Variants in NTRK2 observed in about 807,000 individuals in gnomAD.
The protein encoded by NTRK2 is neurotrophic receptor tyrosine kinase 2.
Under a neutral mutation model 94.5 loss-of-function variants are expected in NTRK2, and 13 were observed. The observed-to-expected ratio is 0.14, with a 90% CI of 0.09 to 0.22. The LOEUF (loss-of-function observed/expected upper bound fraction) is 0.22, where lower values mean the gene tolerates loss of function less well. Among genes scored for constraint, NTRK2 ranks in the 10% least tolerant of loss-of-function variants. NTRK2 has a pLI of 1.00. For synonymous variants in NTRK2, 372 were observed against 407.4 expected (o/e 0.91, Z 1.05); for missense variants, 639 against 1,071.2 (o/e 0.60, Z 5.63).
At chr9:85,006,897 C>G (rs548586672) in intron 17 of NTRK2, among the ~76,000 whole-genome samples, 1 of 152,178 alleles carries the variant, frequency 6.6e-6, no homozygotes, top group South Asian at 2.1e-4. Flanking sequence ...GGTATGTGCC[C>G]GCAGCCCCAC....
At position 84,724,342 on chromosome 9, in the gene NTRK2, A is replaced by G. The variant is rs766162328; in HGVS notation, c.839A>G (p.Asn280Ser). 48 of 1,614,004 alleles carry G rather than the reference A, an allele frequency of 3.0e-5. No individual in the cohort carries two copies. Among genetic ancestry groups the G allele is most frequent in the Non-Finnish European group, 3.7e-5 (44 of 1,180,000 alleles). ...NLVGEDQDSV[N>S]LTVHFAPTIT... ...GTAGGAGAAGATCAAGATTCTGTCA[A>G]CCTCACTGTGCATTGTACGTAATCA... Residue 280 changes from asparagine (N) to serine (S), a missense_variant, in exon 8 of 19, where the codon AAC becomes AGC. Physicochemically the swap from Asn to Ser is conservative, Grantham distance 46. Around this residue, in one of 5 missense-constraint regions of NTRK2, gnomAD observed 343 missense variants for 571.5 expected, o/e 0.60. Coordinates refer to ENST00000277120, the MANE Select transcript of NTRK2 (RefSeq NM_006180.6).
intron 12 of NTRK2, among the ~76,000 whole-genome samples, chr9:84,769,010 C>T (rs968373238): frequency 1.3e-5 from 2 of 152,100 alleles, no homozygotes; most frequent in East Asian, 1.9e-4. Flanking sequence ...GGATTCTTAC[C>T]AATCCAAGGC....
intron 17 of NTRK2, among the ~76,000 whole-genome samples, chr9:85,003,802 A>G (rs941413923): frequency 1.3e-5 from 2 of 151,526 alleles, no homozygotes; most frequent in Admixed American, 1.3e-4. Flanking sequence ...CTAGGTGTCA[A>G]CAGTGAAGAT....
chr9:84,727,148 T>C lies in NTRK2; in HGVS notation c.854-506T>C, dbSNP rs543516537. Reference sequence around the variant, plus strand: ...TCATCAGCAGCAACATTTATTGCATTGATCAGTTTGATCTGTTTTCGAAGT... The same window carrying C: ...TCATCAGCAGCAACATTTATTGCATCGATCAGTTTGATCTGTTTTCGAAGT... On this transcript the variant is annotated intron_variant, in intron 8 of 18. Coordinates refer to ENST00000277120, the MANE Select transcript of NTRK2 (RefSeq NM_006180.6). Among the ~76,000 whole-genome samples, 4 of 152,376 alleles carry C rather than the reference T, an allele frequency of 2.6e-5. No homozygotes were observed. In the East Asian group the frequency reaches 7.7e-4, roughly 29 times the overall value.
chr9:84,953,107 A>G (rs189463662), intron 16 of NTRK2, among the ~76,000 whole-genome samples: 2 of 152,302 alleles, frequency 1.3e-5, no homozygotes, highest in African/African-American at 2.4e-5. Context: ...AAGACAAGTG[A>G]AAACATTGGC....
intron 17 of NTRK2, among the ~76,000 whole-genome samples, chr9:85,016,110 G>A (rs948938688): frequency 6.6e-6 from 1 of 152,164 alleles, no homozygotes; most frequent in Non-Finnish European, 1.5e-5. Flanking sequence ...GAGTGTTGAT[G>A]GATGATTACG....
chr9:84,713,373 G>C (rs2131864171), intron 6 of NTRK2, among the ~76,000 whole-genome samples: 2 of 152,144 alleles, frequency 1.3e-5, no homozygotes, highest in South Asian at 4.1e-4. Flanking sequence ...TTTCTGCATA[G>C]AGATAACCAC....
At chr9:84,827,953 T>A (rs992958458) in intron 12 of NTRK2, among the ~76,000 whole-genome samples, 3 of 152,206 alleles carry the variant, frequency 2.0e-5, no homozygotes, top group African/African-American at 7.2e-5. Flanking sequence ...AGAATTGGAA[T>A]CTAGTCCAAA....
chr9:84,727,085 A>T (rs1320127426), intron 8 of NTRK2, among the ~76,000 whole-genome samples: 2 of 152,224 alleles, frequency 1.3e-5, no homozygotes, highest in African/African-American at 4.8e-5. Flanking sequence ...ATTGACAATC[A>T]GTAATAAATG....
chr9:84,834,378 A>G (rs751432202), intron 12 of NTRK2, among the ~76,000 whole-genome samples: 10 of 152,212 alleles, frequency 6.6e-5, no homozygotes, highest in Admixed American at 1.3e-4. Context: ...TCTACAGTTA[A>G]TAACAGGTCT....
In NTRK2 at chr9:84,685,841, G is replaced by A. The variant is rs139144020; in HGVS notation, c.212+14881G>A. Among the ~76,000 whole-genome samples, 300 of 152,230 alleles carry A rather than the reference G, an allele frequency of 2.0e-3. 4 individuals are homozygous for A. The highest frequency in any genetic ancestry group is 6.9e-3 in the African/African-American group (288 of 41,536). On this transcript the variant is annotated intron_variant, in intron 2 of 18. Coordinates refer to ENST00000277120, the MANE Select transcript of NTRK2 (RefSeq NM_006180.6). ...AGCCCCCTGTGTTTCACATCGCAGC[G>A]TAGGTCACTTAGTATCATCAGTGTG...
chr9:84,881,273 C>G (rs910590411), intron 14 of NTRK2, among the ~76,000 whole-genome samples: 1 of 152,142 alleles, frequency 6.6e-6, no homozygotes, highest in South Asian at 2.1e-4. Flanking sequence ...AACAATAAAA[C>G]TCCAGGATGG....
intron 2 of NTRK2, among the ~76,000 whole-genome samples, chr9:84,694,866 T>C (rs2082016215): frequency 6.6e-6 from 1 of 152,024 alleles, no homozygotes; most frequent in Non-Finnish European, 1.5e-5. Context: ...GATTGATTGA[T>C]AGATTAGATT....
rs987378351 is a variant in NTRK2, at chr9:84,738,325, A to G, written c.1160-3567A>G. ...TCTCTTCTTCTTGGATTTTTTTCTC[A>G]TAGCTAGTGTTTGTCTTTCCTCAGT... On this transcript the variant is annotated intron_variant, in intron 9 of 18. Transcript: ENST00000277120. 2.7e-5 allele frequency among the ~76,000 whole-genome samples: 4 copies of G among 148,068 alleles called. No homozygotes were observed. The East Asian group carries it at 7.7e-4, about 29-fold the overall frequency.
chr9:84,750,939 G>A (rs1245085604), intron 11 of NTRK2, among the ~76,000 whole-genome samples: 1 of 152,144 alleles, frequency 6.6e-6, no homozygotes, highest in Non-Finnish European at 1.5e-5. Context: ...TCTACCTCTG[G>A]GATGGGAGAG....
intron 12 of NTRK2, among the ~76,000 whole-genome samples, chr9:84,860,461 T>TC (rs1055520815): frequency 8.0e-4 from 122 of 152,280 alleles, no homozygotes; most frequent in African/African-American, 2.7e-3. Context: ...GATCTTTTTT[T>TC]CCCTCCCTCC....
chr9:84,946,258 T>G lies in NTRK2; in HGVS notation c.1765-2204T>G, dbSNP rs370049097. Among the ~76,000 whole-genome samples the G allele has an allele frequency of 4.6e-5, 7 of 152,262 alleles. No homozygotes were observed. In the East Asian group the frequency reaches 7.7e-4, roughly 17 times the overall value. ...GGATTCACAACTCACGTGCCACTTC[T>G]GCCAGGAGAAGTATGCCTTTTCCTC... On this transcript the variant is annotated intron_variant, in intron 15 of 18. Coordinates refer to ENST00000277120, the MANE Select transcript of NTRK2 (RefSeq NM_006180.6).
chr9:84,955,933 A>C (rs148884252), intron 17 of NTRK2, among the ~76,000 whole-genome samples: 111 of 152,266 alleles, frequency 7.3e-4, no homozygotes, highest in Admixed American at 1.9e-3. Flanking sequence ...TCAACGTATA[A>C]ATTTTGGGGG....
chr9:84,789,922 T>C (rs2068551874), intron 12 of NTRK2, among the ~76,000 whole-genome samples: 1 of 152,238 alleles, frequency 6.6e-6, no homozygotes, highest in Non-Finnish European at 1.5e-5. Context: ...TATGACATTC[T>C]ATTCCTCCTG....
Sources: allele counts gnomAD v4.1 joint callset (sites outside exome capture counted in the v4.1 genomes callset), GRCh38; gene constraint gnomAD v4.1.1; regional missense constraint gnomAD v4.1.1; transcripts MANE v1.5; gene names NCBI Gene and HGNC (gene_info 2026-07-23, HGNC 2026-07-21).